HMCN2: variants seen among roughly 807,000 people sequenced by gnomAD.
The protein encoded by HMCN2 is hemicentin-2.
In HMCN2, 325 loss-of-function variants were observed where a neutral mutation model predicts 377.5. That is an observed-to-expected ratio of 0.86 (90% confidence interval 0.79 to 0.94). The LOEUF is 0.94. HMCN2 is among the 40% of genes least tolerant of loss of function. The probability of loss-of-function intolerance (pLI) is 0.00; values close to 1 mark genes in which losing one functional copy is unlikely to be tolerated. For missense variants in HMCN2, 4,543 were observed against 4,725.3 expected, an observed-to-expected ratio of 0.96 and a Z score of 1.13; for synonymous variants, 2,007 against 2,046.8, an observed-to-expected ratio of 0.98 and a Z score of 0.53.
At chr9:130,407,504 A>G (rs2131738358) in intron 82 of HMCN2, 67 bp from the exon 83 acceptor site, 1 of 1,242,016 alleles carries the variant, frequency 8.1e-7, no homozygotes, top group East Asian at 5.8e-5. Flanking sequence ...TCCTGCAGGT[A>G]CCCAGGCACC....
rs1448151441 is a variant in HMCN2 at position 130,408,821 on chromosome 9, TG to T, written c.12768del (p.Arg4257ValfsTer31). ...GGCAGCATTCAGCTAGACTGTGTGG[TG>T]CGTGGAGACCCAGTGCCGGACATCC... ...VGGSIQLDCV[V>X]RGDPVPDIHW... On this transcript the variant is annotated frameshift_variant, in exon 84 of 98. Coordinates refer to ENST00000683500, the MANE Select transcript of HMCN2 (RefSeq NM_001291815.2). LOFTEE classifies it high-confidence loss of function. 27 of 1,289,626 alleles carry T rather than the reference TG, an allele frequency of 2.1e-5. No homozygotes were observed. The highest frequency in any genetic ancestry group is 2.6e-5 in the Non-Finnish European group (26 of 988,844). 79.9% of individuals were successfully genotyped at this position (1,289,626 alleles called of 1,614,324 possible). A position where few individuals can be genotyped will look rare whatever the true frequency, so the allele number is the denominator to read the frequency against.
At chr9:130,302,815 G>C (rs782718243) in intron 8 of HMCN2, 42 bp from the exon 9 acceptor site, 39 of 418,730 alleles carry the variant, frequency 9.3e-5, no homozygotes, top group African/African-American at 6.1e-4. Context: ...TGTGGCAAAG[G>C]GGCGGTGGGG....
chr9:130,392,655 G>A (rs570277952), intron 66 of HMCN2, among the ~76,000 whole-genome samples: 2 of 152,292 alleles, frequency 1.3e-5, no homozygotes, highest in South Asian at 4.1e-4. Context: ...GGCAGCAGGG[G>A]TGGAGGCAGC....
chr9:130,364,702 C>T lies in HMCN2; in HGVS notation c.6233-12C>T, dbSNP rs1190753154. 6.1e-6 allele frequency: 6 copies of T among 985,786 alleles called. No individual in the cohort carries two copies. Among genetic ancestry groups the T allele is most frequent in the Non-Finnish European group, 7.2e-6 (6 of 829,832 alleles). 61.1% of individuals were successfully genotyped at this position (985,786 alleles called of 1,614,324 possible). A position where few individuals can be genotyped will look rare whatever the true frequency, so the allele number is the denominator to read the frequency against. ...GTGCCTGAGGGAGCCCTTCTCCTGC[C>T]CCCTCCTGCAGTGCCCCCGAGTATC... On this transcript the variant is annotated splice_polypyrimidine_tract_variant and intron_variant, in intron 40 of 97. Transcript: ENST00000683500.
Position 130,304,999 on chromosome 9 carries a change from C to T in HMCN2, c.1813C>T (p.Arg605Ter), listed in dbSNP as rs1435832266. ...AAGGGCATCCGTCTGGCTCCTGGTG[C>T]GAGGTGAGGCTCATCCTGCTGCTGC... ...VTRASVWLLVREAPQVSIHTS... is the reference protein window; with the variant it reads ...VTRASVWLLV Residue 605 changes from arginine (R) to a stop codon, truncating the protein, a stop_gained, in exon 11 of 98, where the codon CGA (arginine) becomes TGA (stop). Coordinates refer to ENST00000683500, the MANE Select transcript of HMCN2 (RefSeq NM_001291815.2). LOFTEE classifies it high-confidence loss of function. This position sits in a 1 kb window ranked among gnomAD's most constrained non-coding sequence, Gnocchi z 4.3. 4.5e-5 allele frequency: 21 copies of T among 468,354 alleles called. 2 individuals are homozygous for T. The highest frequency in any genetic ancestry group is 3.8e-4 in the Admixed American group (16 of 42,520). 29.0% of individuals were successfully genotyped at this position (468,354 alleles called of 1,614,324 possible).
Position 130,414,079 on chromosome 9 carries a change from C to T in HMCN2, c.12961+3427C>T, listed in dbSNP as rs745554955. Reference sequence around the variant, plus strand: ...GAGGCAAACACCATGAAAAACACCCCTGCCCCATCATCACACCAACTGGGA... The same window carrying T: ...GAGGCAAACACCATGAAAAACACCCTTGCCCCATCATCACACCAACTGGGA... On this transcript the variant is annotated intron_variant, in intron 85 of 97. Coordinates refer to ENST00000683500, the MANE Select transcript of HMCN2 (RefSeq NM_001291815.2). The surrounding 1 kb of genome is among the most constrained non-coding windows in gnomAD (Gnocchi z 4.4). Among the ~76,000 whole-genome samples, 1 of 152,168 alleles carries T rather than the reference C, an allele frequency of 6.6e-6. No homozygotes were observed. Among genetic ancestry groups the T allele is most frequent in the Non-Finnish European group, 1.5e-5 (1 of 68,044 alleles).
Position 130,382,190 on chromosome 9 carries a change from G to C in HMCN2, c.8438G>C (p.Arg2813Pro), listed in dbSNP as rs781188343. Residue 2813 changes from arginine to proline, a missense_variant, in exon 55 of 98, where the codon CGG becomes CCG. Around this residue, in one of 5 missense-constraint regions of HMCN2, gnomAD observed 736 missense variants for 773.2 expected, o/e 0.95. Coordinates refer to ENST00000683500, the MANE Select transcript of HMCN2 (RefSeq NM_001291815.2). ...CTGTCCCGTGTCCCTGCAGGAGGCC[G>C]GGTCCTGCAGATCCCCCTGGTGCGG... ...GDEVSVLQGG[R>P]VLQIPLVRAE... is the part of the protein sequence containing the mutation. 1.2e-5 allele frequency: 12 copies of C among 985,634 alleles called. No individual in the cohort carries two copies. The highest frequency in any genetic ancestry group is 1.4e-5 in the Non-Finnish European group (12 of 829,876). The allele number at this position is 985,634 out of a possible 1,614,324, so 61.1% of individuals were successfully genotyped here.
chr9:130,425,247 C>A, intron 89 of HMCN2, 117 bp downstream of exon 89: 1 of 1,200,606 alleles, frequency 8.3e-7, no homozygotes, highest in Non-Finnish European at 1.1e-6. Flanking sequence ...CGCTGCAGGG[C>A]TGGGTCACAG....
chr9:130,409,867 GC>G (rs1054611278), intron 84 of HMCN2, among the ~76,000 whole-genome samples: 4 of 152,094 alleles, frequency 2.6e-5, no homozygotes, highest in African/African-American at 9.7e-5. Flanking sequence ...CTTGGGTGTG[GC>G]CCCCCAGATA....
At chr9:130,412,072 G>A (rs4644311) in intron 85 of HMCN2, among the ~76,000 whole-genome samples, 135,447 of 152,216 alleles carry the variant, frequency 0.89, 60,418 homozygotes, top group East Asian at 1. Flanking sequence ...CCCGGGTTCA[G>A]GCGTTTCTCC....
chr9:130,278,194 A>G (rs1379800827), intron 1 of HMCN2, among the ~76,000 whole-genome samples: 1 of 152,016 alleles, frequency 6.6e-6, no homozygotes, highest in African/African-American at 2.4e-5. Flanking sequence ...GCGCGATCTC[A>G]GCTCACTGCA....
chr9:130,427,673 G>C, intron 92 of HMCN2, 54 bp downstream of exon 92: 1 of 1,507,926 alleles, frequency 6.6e-7, no homozygotes, highest in South Asian at 1.3e-5. Context: ...CCTGACCCAG[G>C]TGTGCAGAAG....
intron 4 of HMCN2, among the ~76,000 whole-genome samples, chr9:130,291,123 C>T (rs1476249613): frequency 6.6e-6 from 1 of 152,166 alleles, no homozygotes; most frequent in Non-Finnish European, 1.5e-5. Context: ...AAGCGTTTCC[C>T]TTAGCTTGGA....
chr9:130,405,158 C>T (rs7031750), intron 81 of HMCN2, 99 bp downstream of exon 81: 4 of 824,088 alleles, frequency 4.9e-6, no homozygotes, highest in Admixed American at 9.6e-5. Flanking sequence ...ACCCTGGGAG[C>T]CTGGGGAAAT....
At chr9:130,317,113 G>T (rs1213009666) in intron 15 of HMCN2, among the ~76,000 whole-genome samples, 1 of 151,782 alleles carries the variant, frequency 6.6e-6, no homozygotes, top group Non-Finnish European at 1.5e-5. Context: ...TCTGGCTGGG[G>T]CAGCCACCAG....
rs1834061334 is a variant in HMCN2 at position 130,265,846 on chromosome 9, AC to A, written c.-31del. Reference sequence around the variant, plus strand: ...CCGGCTAGCTCCGACCTGCGCCTCCACCGCAGCACCCGCAGCCAGAGCCGCG... The same window carrying A: ...CCGGCTAGCTCCGACCTGCGCCTCCACGCAGCACCCGCAGCCAGAGCCGCG... On this transcript the variant is annotated 5_prime_UTR_variant, in exon 1 of 98. Coordinates refer to ENST00000683500, the MANE Select transcript of HMCN2 (RefSeq NM_001291815.2). The A allele has an allele frequency of 3.1e-6, 1 of 324,034 alleles. No homozygotes were observed. The highest frequency in any genetic ancestry group is 5.9e-6 in the Non-Finnish European group (1 of 168,832). 20.1% of individuals were successfully genotyped at this position (324,034 alleles called of 1,614,324 possible). A position where few individuals can be genotyped will look rare whatever the true frequency, so the allele number is the denominator to read the frequency against.
intron 85 of HMCN2, among the ~76,000 whole-genome samples, chr9:130,413,991 C>CA (rs33963612): frequency 1.0e-3 from 142 of 137,082 alleles, no homozygotes; most frequent in Middle Eastern, 7.5e-3. Flanking sequence ...ACCAAAAATA[C>CA]AAAAAAAAAA....
intron 40 of HMCN2, among the ~76,000 whole-genome samples, chr9:130,364,258 G>A (rs1588315795): frequency 6.6e-6 from 1 of 152,218 alleles, no homozygotes; most frequent in African/African-American, 2.4e-5. Flanking sequence ...CTCGCATGGC[G>A]AGTGAGTGGT....
chr9:130,392,986 A>ACACCATCT (rs1249861906), intron 66 of HMCN2, among the ~76,000 whole-genome samples: 1 of 151,256 alleles, frequency 6.6e-6, no homozygotes, highest in Non-Finnish European at 1.5e-5. Context: ...ACAGAGTGAG[A>ACACCATCT]CACCATCTCA....
Sources: allele counts gnomAD v4.1 joint callset (sites outside exome capture counted in the v4.1 genomes callset), GRCh38; gene constraint gnomAD v4.1.1; regional missense constraint gnomAD v4.1.1; non-coding constraint Gnocchi (gnomAD v3.1); transcripts MANE v1.5; gene names NCBI Gene and HGNC (gene_info 2026-07-23, HGNC 2026-07-21).